Variants in AARSD1 observed in about 807,000 individuals in gnomAD.
AARSD1 encodes the protein alanyl-tRNA editing protein Aarsd1.
In AARSD1, 44 loss-of-function variants were observed where a neutral mutation model predicts 48.7. The observed-to-expected ratio is 0.90, with a 90% CI of 0.71 to 1.16. The LOEUF is 1.16. Among genes scored for constraint, AARSD1 ranks in the 50% most tolerant of loss-of-function variants. The probability of loss-of-function intolerance (pLI) is 0.00; values close to 1 mark genes in which losing one functional copy is unlikely to be tolerated. For synonymous variants in AARSD1, 189 were observed against 194.9 expected (o/e 0.97, Z 0.25); for missense variants, 511 against 523.1 (o/e 0.98, Z 0.23).
rs1284562030 is a variant in AARSD1 at position 42,956,927 on chromosome 17, A to G, written c.389+211T>C. On this transcript the variant is annotated intron_variant, in intron 4 of 11. Coordinates refer to ENST00000427569, the MANE Select transcript of AARSD1 (RefSeq NM_001261434.2). Reference sequence around the variant, plus strand: ...CGTGATCCGCCCGCCTCGGCCTCCCAAAGTGCTGGGATTACAAGCGTGAGC... The same window carrying G: ...CGTGATCCGCCCGCCTCGGCCTCCCGAAGTGCTGGGATTACAAGCGTGAGC... Among the ~76,000 whole-genome samples, 10 of 146,702 alleles carry G rather than the reference A, an allele frequency of 6.8e-5. No individual in the cohort carries two copies. The East Asian group carries it at 2.0e-3, about 29-fold the overall frequency.
chr17:42,953,611 TTCC>T (rs2049507549), intron 10 of AARSD1, 110 bp downstream of exon 10: 2 of 1,379,562 alleles, frequency 1.4e-6, no homozygotes, highest in Non-Finnish European at 2.1e-6. Flanking sequence ...GAATGGCTAT[TTCC>T]TCCTCCTCAT....
intron 4 of AARSD1, among the ~76,000 whole-genome samples, 156 bp from the exon 5 acceptor site, chr17:42,956,716 G>A (rs1213521426): frequency 8.1e-6 from 1 of 123,420 alleles, no homozygotes; most frequent in Non-Finnish European, 1.6e-5. Context: ...CGCCCAGGCT[G>A]GAGTGCAGTG....
At position 42,956,518 on chromosome 17, in the gene AARSD1, G is replaced by GGGGGT; in HGVS notation, c.427_431dup (p.Ser145ProfsTer4). ...CAGCTACTTGCTCTGCAGTCATAGA[G>GGGGGT]GGGGTGTCCAGCTCAATCGCACTCC... On this transcript the variant is annotated frameshift_variant, in exon 5 of 12. Transcript: ENST00000427569. LOFTEE classifies it high-confidence loss of function. 6.2e-7 allele frequency: 1 copy of GGGGGT among 1,614,004 alleles called. No individual in the cohort carries two copies.
chr17:42,953,692 G>C (rs747256107), intron 10 of AARSD1, 32 bp downstream of exon 10: 1 of 1,614,094 alleles, frequency 6.2e-7, no homozygotes, highest in South Asian at 1.1e-5. Flanking sequence ...TCTCTATCCA[G>C]GCCGGGGTAG....
intron 3 of AARSD1, among the ~76,000 whole-genome samples, chr17:42,958,519 T>C (rs2049588391): frequency 6.6e-6 from 1 of 151,676 alleles, no homozygotes; most frequent in Non-Finnish European, 1.5e-5. Flanking sequence ...ACAAATAAAA[T>C]TAAATAAAAT....
At chr17:42,955,775 A>T in intron 7 of AARSD1, 67 bp downstream of exon 7, 1 of 1,602,120 alleles carries the variant, frequency 6.2e-7, no homozygotes, top group South Asian at 1.1e-5. Flanking sequence ...CTTATCTCCC[A>T]GAGGTAAGAG....
At chr17:42,962,535 G>A (rs1385906904) in intron 2 of AARSD1, among the ~76,000 whole-genome samples, 2 of 152,024 alleles carry the variant, frequency 1.3e-5, no homozygotes, top group Non-Finnish European at 2.9e-5. Context: ...TAACAGTCTT[G>A]GGGAATCAAA....
In AARSD1 at chr17:42,957,155, C is replaced by A; in HGVS notation, c.372G>T (p.Lys124Asn). The change falls in exon 4 of 12, where the codon AAG becomes AAT. Residue 124 changes from lysine to asparagine, a missense_variant. By Grantham distance (94) the Lys-to-Asn change is moderately conservative (BLOSUM62 0). Coordinates refer to ENST00000427569, the MANE Select transcript of AARSD1 (RefSeq NM_001261434.2). ...CCACTCACCATGATGTTGTCTTCAGCTTAAATAGATGGTCAGCAACTGCCG... is the reference window on the plus strand; with the variant it reads ...CCACTCACCATGATGTTGTCTTCAGATTAAATAGATGGTCAGCAACTGCCG... ...LITAVADHLF[K>N]LKTTSWELGR... is the part of the protein sequence containing the mutation. 1.9e-6 allele frequency: 3 copies of A among 1,613,482 alleles called. No individual in the cohort carries two copies. Among genetic ancestry groups the A allele is most frequent in the Non-Finnish European group, 2.5e-6 (3 of 1,179,782 alleles).
In AARSD1 at chr17:42,955,827, C is replaced by A; in HGVS notation, c.794+15G>T. On this transcript the variant is annotated intron_variant, in intron 7 of 11. Transcript: ENST00000427569. Reference sequence around the variant, plus strand: ...CAGAAATGGGAGGTAATCGAAGGTACTGAAACAGGCATACTTAAGCAGAGC... The same window carrying A: ...CAGAAATGGGAGGTAATCGAAGGTAATGAAACAGGCATACTTAAGCAGAGC... The A allele has an allele frequency of 1.2e-6, 2 of 1,614,018 alleles. No homozygotes were observed. The highest frequency in any genetic ancestry group is 1.3e-5 in the African/African-American group (1 of 75,024).
chr17:42,956,458 ATC>A lies in AARSD1; in HGVS notation c.490_491del (p.Asp164SerfsTer13), dbSNP rs758473854. 2 of 1,613,828 alleles carry A rather than the reference ATC, an allele frequency of 1.2e-6. No individual in the cohort carries two copies. The highest frequency in any genetic ancestry group is 1.7e-6 in the Non-Finnish European group (2 of 1,179,970). ...GTTCTCGGACATTCACAGGCAGCCG[ATC>A]TCTGATTTTTTCATTGACGCTCTGC... ...IEQSVNEKIR[D>X]RLPVNVRELS... is the part of the protein sequence containing the mutation. On this transcript the variant is annotated frameshift_variant, in exon 5 of 12. Transcript: ENST00000427569. LOFTEE classifies it high-confidence loss of function.
intron 10 of AARSD1, among the ~76,000 whole-genome samples, chr17:42,952,920 TCTC>T (rs1013923123): frequency 6.6e-6 from 1 of 151,622 alleles, no homozygotes; most frequent in African/African-American, 2.4e-5. Flanking sequence ...TTCAAGCAAT[TCTC>T]CTGCCTCAAC....
intron 4 of AARSD1, among the ~76,000 whole-genome samples, 171 bp from the exon 5 acceptor site, chr17:42,956,731 G>A (rs1467490335): frequency 3.7e-5 from 5 of 136,150 alleles, no homozygotes; most frequent in Admixed American, 7.6e-5. Context: ...GCAGTGGCGC[G>A]ATCTCGGCTC....
chr17:42,958,961 G>A (rs772782958), intron 3 of AARSD1, among the ~76,000 whole-genome samples: 2 of 150,784 alleles, frequency 1.3e-5, no homozygotes, highest in Non-Finnish European at 3.0e-5. Context: ...CACTTTGGGA[G>A]GCCGAGGCGA....
intron 11 of AARSD1, among the ~76,000 whole-genome samples, chr17:42,951,175 A>G (rs1420098618): frequency 6.6e-6 from 1 of 152,220 alleles, no homozygotes. Flanking sequence ...ACACTTGCAC[A>G]TATGCACAAA....
chr17:42,956,040 A>C, intron 6 of AARSD1, 68 bp from the exon 7 acceptor site: 1 of 1,610,980 alleles, frequency 6.2e-7, no homozygotes, highest in Non-Finnish European at 8.5e-7. Flanking sequence ...CGGATCCTAG[A>C]ACCTGAAGGC....
intron 2 of AARSD1, among the ~76,000 whole-genome samples, chr17:42,963,008 G>C (rs1477012713): frequency 6.6e-6 from 1 of 151,962 alleles, no homozygotes; most frequent in African/African-American, 2.4e-5. Context: ...GGGTGACATA[G>C]CAAGATCCTG....
At chr17:42,954,749 G>T in intron 9 of AARSD1, 127 bp downstream of exon 9, 1 of 1,054,154 alleles carries the variant, frequency 9.5e-7, no homozygotes, top group Non-Finnish European at 1.4e-6. Context: ...ATATTTCTTA[G>T]GATCTACTCA....
chr17:42,961,089 C>G, intron 3 of AARSD1, 103 bp downstream of exon 3: 1 of 1,460,832 alleles, frequency 6.8e-7, no homozygotes, highest in South Asian at 1.5e-5. Context: ...TCTGTCTTTT[C>G]CAAAAGGTTA....
chr17:42,956,351 GA>G, intron 5 of AARSD1, 31 bp from the exon 6 acceptor site: 1 of 1,614,136 alleles, frequency 6.2e-7, no homozygotes, highest in Non-Finnish European at 8.5e-7. Context: ...GGGACTGTCT[GA>G]ATCTGATGAG....
Sources: gnomAD v4.1 joint callset for allele counts (sites outside exome capture counted in the v4.1 genomes callset) on GRCh38, gnomAD v4.1.1 for gene constraint, MANE v1.5 for transcripts, NCBI Gene and HGNC (gene_info 2026-07-23, HGNC 2026-07-21) for gene names.